Variants in C7orf78 observed in about 807,000 individuals in gnomAD.
The protein encoded by C7orf78 is chromosome 7 open reading frame 78.
chr7:12,529,498 T>C, the C7orf78 span, among the ~76,000 whole-genome samples: 2 of 152,204 alleles, frequency 1.3e-5, no homozygotes, highest in Non-Finnish European at 1.5e-5. Flanking sequence ...AAGAGATTTA[T>C]TCTGAGCCAA....
the C7orf78 span, among the ~76,000 whole-genome samples, chr7:12,524,082 A>G: frequency 6.6e-6 from 1 of 152,164 alleles, no homozygotes; most frequent in Non-Finnish European, 1.5e-5. Flanking sequence ...TAGTGAGATA[A>G]AAGAATAAGT....
At chr7:12,508,405 A>T in the C7orf78 span, among the ~76,000 whole-genome samples, 2 of 152,050 alleles carry the variant, frequency 1.3e-5, no homozygotes, top group Non-Finnish European at 2.9e-5. Flanking sequence ...TTGGAAAAAA[A>T]ATCAGTCCAT....
chr7:12,541,275 G>C, the C7orf78 span: 1 of 152,126 alleles, frequency 6.6e-6, no homozygotes, highest in Admixed American at 6.6e-5. Context: ...CAACAATAAT[G>C]CTTACTAATT....
At chr7:12,509,064 C>T in the C7orf78 span, among the ~76,000 whole-genome samples, 1 of 152,206 alleles carries the variant, frequency 6.6e-6, no homozygotes, top group Non-Finnish European at 1.5e-5. Flanking sequence ...CATCCTTCCT[C>T]AGTCTGTGGA....
At chr7:12,492,951 C>T in the C7orf78 span, among the ~76,000 whole-genome samples, 2 of 152,060 alleles carry the variant, frequency 1.3e-5, no homozygotes, top group African/African-American at 4.8e-5. Context: ...GCCTATAATC[C>T]CAGCACTTTG....
the C7orf78 span, among the ~76,000 whole-genome samples, chr7:12,539,036 C>T: frequency 8.0e-4 from 122 of 152,318 alleles, no homozygotes; most frequent in Non-Finnish European, 1.2e-3. Flanking sequence ...CACCCTTACT[C>T]TTTATAAATG....
the C7orf78 span, among the ~76,000 whole-genome samples, chr7:12,519,282 A>G: frequency 1.3e-5 from 2 of 152,168 alleles, no homozygotes; most frequent in East Asian, 1.9e-4. Context: ...CCACACTGCT[A>G]ATGGGGACAT....
chr7:12,498,113 A>G, the C7orf78 span, among the ~76,000 whole-genome samples: 6 of 152,012 alleles, frequency 3.9e-5, no homozygotes, highest in Non-Finnish European at 7.4e-5. Flanking sequence ...CCAAAAGCAG[A>G]TAAAACCACA....
chr7:12,518,816 G>C, the C7orf78 span, among the ~76,000 whole-genome samples: 1 of 152,058 alleles, frequency 6.6e-6, no homozygotes, highest in African/African-American at 2.4e-5. Context: ...GCTTGTACTA[G>C]AAAGCATAGT....
At chr7:12,510,650 A>G in the C7orf78 span, among the ~76,000 whole-genome samples, 465 of 152,240 alleles carry the variant, frequency 3.1e-3, 2 homozygotes, top group African/African-American at 0.01. Flanking sequence ...TTAGTGATTT[A>G]GAGCAATTTT....
chr7:12,499,108 C>T, the C7orf78 span, among the ~76,000 whole-genome samples: 24 of 152,194 alleles, frequency 1.6e-4, no homozygotes, highest in Non-Finnish European at 2.2e-4. Context: ...AAGGAACAAC[C>T]GGTACCAGCC....
chr7:12,507,030 G>C, the C7orf78 span: 1 of 432,368 alleles, frequency 2.3e-6, no homozygotes, highest in South Asian at 1.7e-5. Flanking sequence ...AGGGCCGGGC[G>C]CGGTGTCACC....
At chr7:12,488,698 T>G in the C7orf78 span, among the ~76,000 whole-genome samples, 1 of 151,998 alleles carries the variant, frequency 6.6e-6, no homozygotes, top group Non-Finnish European at 1.5e-5. Flanking sequence ...CCCTTGGACA[T>G]TCAATGAGGA....
At chr7:12,493,000 T>C in the C7orf78 span, among the ~76,000 whole-genome samples, 1 of 152,128 alleles carries the variant, frequency 6.6e-6, no homozygotes, top group East Asian at 1.9e-4. Context: ...CCCAGGAGTT[T>C]GAAACCAGCC....
At chr7:12,532,101 T>C in the C7orf78 span, among the ~76,000 whole-genome samples, 1 of 152,276 alleles carries the variant, frequency 6.6e-6, no homozygotes, top group African/African-American at 2.4e-5. Context: ...GAAGGGAAGA[T>C]GGAGCCGCCA....
At chr7:12,510,335 C>A in the C7orf78 span, among the ~76,000 whole-genome samples, 1 of 152,056 alleles carries the variant, frequency 6.6e-6, no homozygotes, top group Non-Finnish European at 1.5e-5. Context: ...CAGGCACATG[C>A]CACCATGCCT....
the C7orf78 span, chr7:12,541,341 TTCATAGAAA>T: frequency 6.6e-6 from 1 of 152,224 alleles, no homozygotes. Flanking sequence ...GTTTGCCTCC[TTCATAGAAA>T]TAAGAATTCT....
chr7:12,485,149 C>T, the C7orf78 span, among the ~76,000 whole-genome samples: 1 of 50,504 alleles, frequency 2.0e-5, no homozygotes, highest in Non-Finnish European at 3.8e-5. Flanking sequence ...AGACATTATG[C>T]TATCAGCTGG....
At chr7:12,540,540 G>C in the C7orf78 span, among the ~76,000 whole-genome samples, 2 of 152,118 alleles carry the variant, frequency 1.3e-5, no homozygotes, top group Non-Finnish European at 2.9e-5. Context: ...TATAAGCTGG[G>C]AAACTAAAGT....
Sources: gnomAD v4.1 joint callset for allele counts (sites outside exome capture counted in the v4.1 genomes callset) on GRCh38, gnomAD v4.1.1 for gene constraint, MANE v1.5 for transcripts, NCBI Gene and HGNC (gene_info 2026-07-23, HGNC 2026-07-21) for gene names.